DOCK10: variants seen among roughly 807,000 people sequenced by gnomAD.
DOCK10 encodes the protein dedicator of cytokinesis protein 10.
In DOCK10, 145 loss-of-function variants were observed where a neutral mutation model predicts 280.1. The observed-to-expected ratio is 0.52, with a 90% CI of 0.45 to 0.59. The LOEUF (loss-of-function observed/expected upper bound fraction) is 0.59. Among genes scored for constraint, DOCK10 ranks in the 20% least tolerant of loss-of-function variants. The pLI, the probability that DOCK10 is intolerant of heterozygous loss-of-function variation, is 0.00. For missense variants in DOCK10, 2,368 were observed against 2,651.7 expected (o/e 0.89, Z 2.35); for synonymous variants, 915 against 942.2 (o/e 0.97, Z 0.53).
At chr2:224,953,143 T>C (rs1030188230) in intron 1 of DOCK10, among the ~76,000 whole-genome samples, 4 of 152,250 alleles carry the variant, frequency 2.6e-5, no homozygotes, top group African/African-American at 9.6e-5. Context: ...AATTGAGCAA[T>C]TGGTAAGGCA....
At chr2:224,839,243 T>A (rs982993982) in intron 24 of DOCK10, among the ~76,000 whole-genome samples, 1 of 144,250 alleles carries the variant, frequency 6.9e-6, no homozygotes, top group Non-Finnish European at 1.5e-5. Flanking sequence ...CACGCCCGGC[T>A]AATTTTTTGT....
At chr2:224,791,631 A>ATTTT (rs11399071) in intron 47 of DOCK10, among the ~76,000 whole-genome samples, 2 of 139,216 alleles carry the variant, frequency 1.4e-5, no homozygotes, top group African/African-American at 2.7e-5. Flanking sequence ...CGCCCGGCTA[A>ATTTT]TTTTTTTTTT....
rs529133929 is a variant in DOCK10 at position 224,780,103 on chromosome 2, T to C, written c.5656-1819A>G. ...GTCCACGGCTTTAAATAAAGATGTT[T>C]TTATTGAACAATTTCTTCGAGAAAT... is the stretch of plus-strand genomic sequence containing the variant. On this transcript the variant is annotated intron_variant, in intron 50 of 55. Coordinates refer to ENST00000258390, the MANE Select transcript of DOCK10 (RefSeq NM_014689.3). 2.0e-5 allele frequency among the ~76,000 whole-genome samples: 3 copies of C among 152,326 alleles called. No individual in the cohort carries two copies. The South Asian group carries it at 6.2e-4, about 32-fold the overall frequency.
chr2:225,033,191 AT>A (rs36079936), intron 1 of DOCK10, among the ~76,000 whole-genome samples: 8,117 of 149,508 alleles, frequency 0.054, 724 homozygotes, highest in African/African-American at 0.19. Flanking sequence ...TGGTACTATT[AT>A]TTTTTTTTTT....
chr2:224,800,065 T>TA (rs77823647), intron 41 of DOCK10, 86 bp downstream of exon 41: 57 of 742,868 alleles, frequency 7.7e-5, no homozygotes, highest in East Asian at 3.1e-4. Context: ...CATAAATAAT[T>TA]AAAAAAAACC....
At chr2:224,892,212 C>G (rs1332950943) in intron 4 of DOCK10, among the ~76,000 whole-genome samples, 1 of 151,642 alleles carries the variant, frequency 6.6e-6, no homozygotes, top group African/African-American at 2.4e-5. Context: ...GCCTGGCCAA[C>G]ATAGTGAAAC....
intron 3 of DOCK10, among the ~76,000 whole-genome samples, chr2:224,900,415 C>T (rs999795345): frequency 6.6e-6 from 1 of 152,134 alleles, no homozygotes. Context: ...GAGAGGCAAG[C>T]AGAGGTTCAG....
Position 224,770,247 on chromosome 2 carries a change from G to A in DOCK10, c.6408C>T (p.Asp2136=), listed in dbSNP as rs145037309. ...YQEELRSHYK[D]MLSELSTVMN... ...TGACTGTGGAGAGTTCGCTGAGCAT[G>A]TCCTTGTAGTGGGACCTCAGTTCTT... Residue 2136 remains aspartate (D), a synonymous_variant, in exon 55 of 56, where the codon GAC becomes GAT. Coordinates refer to ENST00000258390, the MANE Select transcript of DOCK10 (RefSeq NM_014689.3). The surrounding 1 kb of genome is among the most constrained non-coding windows in gnomAD (Gnocchi z 4.5). 8.8e-5 allele frequency: 141 copies of A among 1,602,686 alleles called. No homozygotes were observed. The highest frequency in any genetic ancestry group is 5.0e-4 in the Middle Eastern group (3 of 6,000).
chr2:224,949,650 T>C (rs1266124086), intron 1 of DOCK10, among the ~76,000 whole-genome samples: 1 of 152,128 alleles, frequency 6.6e-6, no homozygotes, highest in Non-Finnish European at 1.5e-5. Flanking sequence ...GGCATCAAGG[T>C]AGAATGGTTA....
chr2:224,814,429 A>G, intron 30 of DOCK10, 65 bp from the exon 31 acceptor site: 2 of 875,030 alleles, frequency 2.3e-6, no homozygotes, highest in Non-Finnish European at 3.4e-6. Flanking sequence ...ATATGTATTC[A>G]TTATGTGTAG....
intron 51 of DOCK10, among the ~76,000 whole-genome samples, chr2:224,776,898 A>G (rs2060389): frequency 0.72 from 110,030 of 152,114 alleles, 41,073 homozygotes; most frequent in African/African-American, 0.86. Flanking sequence ...GCTGTTAAGG[A>G]AGGTCCCTGC....
intron 2 of DOCK10, among the ~76,000 whole-genome samples, chr2:224,918,679 T>C (rs1338761433): frequency 1.3e-5 from 2 of 148,574 alleles, no homozygotes; most frequent in Non-Finnish European, 3.0e-5. Flanking sequence ...ATGAGTGTGG[T>C]TTGGGTCTGT....
Position 224,807,969 on chromosome 2 carries a change from A to G in DOCK10, c.3527T>C (p.Leu1176Ser). 1.2e-6 allele frequency: 2 copies of G among 1,612,982 alleles called. No homozygotes were observed. The highest frequency in any genetic ancestry group is 1.1e-5 in the South Asian group (1 of 90,922). Residue 1176 changes from leucine to serine, a missense_variant, in exon 32 of 56, where the codon TTA (leucine) becomes TCA (serine). By Grantham distance (145) the Leu-to-Ser change is moderately radical (BLOSUM62 -2). This residue lies in a region of DOCK10 where 1,159 missense variants were observed against 1,400.8 expected (regional missense o/e 0.83). Transcript: ENST00000258390. ...AGCCATTAGATTTTTTAGGACAGCT[A>G]AAGCTAAGTGTCTGACATCTTGGTC... The part of the protein sequence containing the change: ...QEDQDVRHLA[L>S]AVLKNLMAKH...
intron 31 of DOCK10, among the ~76,000 whole-genome samples, chr2:224,813,321 G>A (rs980508475): frequency 1.3e-5 from 2 of 152,112 alleles, no homozygotes; most frequent in African/African-American, 2.4e-5. Flanking sequence ...TCAGCCTTCT[G>A]AGAAGCTGAG....
intron 1 of DOCK10, chr2:224,947,014 T>C: frequency 6.7e-7 from 1 of 1,489,402 alleles, no homozygotes; most frequent in South Asian, 1.3e-5. Context: ...ACTCTTCTCT[T>C]CTGAAGCGTC....
At chr2:224,906,544 T>C (rs1472925941) in intron 3 of DOCK10, among the ~76,000 whole-genome samples, 1 of 152,154 alleles carries the variant, frequency 6.6e-6, no homozygotes, top group African/African-American at 2.4e-5. Flanking sequence ...AGTAGTGTGA[T>C]CTCAGCTCAC....
intron 1 of DOCK10, among the ~76,000 whole-genome samples, chr2:224,992,428 G>A (rs1320675511): frequency 6.6e-6 from 1 of 152,186 alleles, no homozygotes; most frequent in African/African-American, 2.4e-5. Flanking sequence ...TATTTGCCAG[G>A]ACTCAGGGGA....
rs188157281 is a variant in DOCK10, at chr2:224,983,235, A to G, written c.124-51567T>C. Among the ~76,000 whole-genome samples, 3 of 152,286 alleles carry G rather than the reference A, an allele frequency of 2.0e-5. No homozygotes were observed. In the East Asian group the frequency reaches 5.8e-4, roughly 29 times the overall value. The stretch of plus-strand genomic sequence containing the variant: ...AAGGACTTTGAGGTCTTTGGTAGTT[A>G]AGAGTCTGGTATTCCCTGACTCCTG... On this transcript the variant is annotated intron_variant, in intron 1 of 55. Transcript: ENST00000258390.
At chr2:224,996,039 A>G (rs1706264746) in intron 1 of DOCK10, among the ~76,000 whole-genome samples, 1 of 152,262 alleles carries the variant, frequency 6.6e-6, no homozygotes, top group Admixed American at 6.5e-5. Flanking sequence ...GTTATCCAAA[A>G]TAAATGGCTA....
Sources: allele counts gnomAD v4.1 joint callset (sites outside exome capture counted in the v4.1 genomes callset), GRCh38; gene constraint gnomAD v4.1.1; regional missense constraint gnomAD v4.1.1; non-coding constraint Gnocchi (gnomAD v3.1); transcripts MANE v1.5; gene names NCBI Gene and HGNC (gene_info 2026-07-23, HGNC 2026-07-21).